Variants in RBBP8 observed in about 807,000 individuals in gnomAD.
RBBP8 encodes the protein DNA endonuclease RBBP8.
RBBP8 carries 88 observed loss-of-function variants against 108.3 expected under a neutral mutation model. The observed-to-expected ratio is 0.81, with a 90% CI of 0.68 to 0.97. The LOEUF is 0.97. Ranked by LOEUF, RBBP8 falls within the 50% of genes least tolerant of loss-of-function variation. The pLI, the probability that RBBP8 is intolerant of heterozygous loss-of-function variation, is 0.00. For missense variants in RBBP8, 1,023 were observed against 1,049.0 expected, an observed-to-expected ratio of 0.98 and a Z score of 0.34; for synonymous variants, 332 against 348.2, an observed-to-expected ratio of 0.95 and a Z score of 0.52.
intron 6 of RBBP8, among the ~76,000 whole-genome samples, chr18:22,980,152 A>G (rs895750682): frequency 1.3e-5 from 2 of 152,120 alleles, no homozygotes; most frequent in Non-Finnish European, 2.9e-5. Flanking sequence ...AGGCTGAGGC[A>G]CTAGAATCAC....
chr18:23,022,602 A>AAAAATAAAATAAAATAAAATAAAATAAAT (rs2046364801), intron 18 of RBBP8, among the ~76,000 whole-genome samples: 1 of 92,380 alleles, frequency 1.1e-5, no homozygotes, highest in African/African-American at 4.5e-5. Context: ...ACTCTGTCTC[A>AAAAATAAAATAAAATAAAATAAAATAAAT]AAAATAAAAT....
chr18:22,971,088 T>C (rs1914040626), intron 5 of RBBP8, among the ~76,000 whole-genome samples: 2 of 151,798 alleles, frequency 1.3e-5, no homozygotes, highest in Non-Finnish European at 2.9e-5. Context: ...CGTAACTGCA[T>C]TCATACAAGA....
intron 16 of RBBP8, among the ~76,000 whole-genome samples, chr18:23,012,505 T>C (rs759836249): frequency 9.9e-5 from 15 of 152,262 alleles, no homozygotes; most frequent in East Asian, 1.9e-4. Flanking sequence ...GTGGTCTAGA[T>C]TGAAGATCAA....
intron 3 of RBBP8, among the ~76,000 whole-genome samples, chr18:22,927,493 C>T (rs1282382402): frequency 2.6e-5 from 4 of 152,028 alleles, no homozygotes; most frequent in Non-Finnish European, 5.9e-5. Flanking sequence ...GCTGGGCCTG[C>T]GCTGTACGAT....
Position 23,022,121 on chromosome 18 carries a change from A to T in RBBP8, c.2455-8A>T. 2 of 1,586,696 alleles carry T rather than the reference A, an allele frequency of 1.3e-6. No homozygotes were observed. The highest frequency in any genetic ancestry group is 1.7e-6 in the Non-Finnish European group (2 of 1,155,210). ...TTAGTGAAAAAACTTACCAGTTTTT[A>T]TTATTAGTATTATGCAGATATGCCA... is the stretch of plus-strand genomic sequence containing the variant. On this transcript the variant is annotated splice_region_variant and splice_polypyrimidine_tract_variant and intron_variant, in intron 17 of 18. Transcript: ENST00000327155.
chr18:22,917,997 C>CAAA (rs5823372), intron 3 of RBBP8, among the ~76,000 whole-genome samples: 7 of 120,942 alleles, frequency 5.8e-5, no homozygotes, highest in Admixed American at 8.8e-5. Context: ...GACTCCGTCT[C>CAAA]AAAAAAAAAA....
chr18:23,018,971 AT>A (rs778282994), intron 17 of RBBP8, among the ~76,000 whole-genome samples: 2 of 152,246 alleles, frequency 1.3e-5, no homozygotes, highest in Non-Finnish European at 2.9e-5. Flanking sequence ...TTAAAATTAT[AT>A]GTGAAAGTAT....
At chr18:22,925,317 C>A (rs10502429) in intron 3 of RBBP8, among the ~76,000 whole-genome samples, 26,369 of 152,110 alleles carry the variant, frequency 0.17, 2,955 homozygotes, top group African/African-American at 0.33. Flanking sequence ...ACATTTCTAG[C>A]TAAAACTCAG....
At chr18:23,025,272 A>C (rs2046435017) in intron 18 of RBBP8, among the ~76,000 whole-genome samples, 1 of 152,164 alleles carries the variant, frequency 6.6e-6, no homozygotes, top group African/African-American at 2.4e-5. Context: ...CAATTAATTT[A>C]ATTTAATTTT....
chr18:22,946,885 G>A (rs539983200), intron 3 of RBBP8, among the ~76,000 whole-genome samples: 1 of 152,162 alleles, frequency 6.6e-6, no homozygotes, highest in South Asian at 2.1e-4. Flanking sequence ...ATAATTCTGG[G>A]ATTTCTAAAC....
intron 4 of RBBP8, among the ~76,000 whole-genome samples, chr18:22,952,171 A>AT (rs1377889719): frequency 6.6e-6 from 1 of 152,208 alleles, no homozygotes; most frequent in Non-Finnish European, 1.5e-5. Context: ...AAAAGTTTGG[A>AT]TTTTAATTGT....
chr18:23,022,695 A>C (rs2046392864), intron 18 of RBBP8, among the ~76,000 whole-genome samples: 1 of 150,630 alleles, frequency 6.6e-6, no homozygotes, highest in South Asian at 2.1e-4. Context: ...CCAAATGTGA[A>C]CATGCACCTT....
chr18:22,949,263 C>T (rs1412043339), intron 3 of RBBP8, among the ~76,000 whole-genome samples: 1 of 152,058 alleles, frequency 6.6e-6, no homozygotes, highest in African/African-American at 2.4e-5. Flanking sequence ...TTTTAAACAA[C>T]ACAGAAATTA....
chr18:22,952,130 G>A (rs143176967), intron 4 of RBBP8, among the ~76,000 whole-genome samples: 73 of 152,268 alleles, frequency 4.8e-4, no homozygotes, highest in African/African-American at 1.7e-3. Context: ...ATCTAGTGGG[G>A]CAACAACTAG....
chr18:22,939,282 G>A lies in RBBP8; in HGVS notation c.109+2322G>A, dbSNP rs181660829. Among the ~76,000 whole-genome samples, 51 of 152,242 alleles carry A rather than the reference G, an allele frequency of 3.3e-4. 1 individual carries two copies. The South Asian group carries it at 5.2e-3, about 15-fold the overall frequency. ...AGTGCTTTGGGAGGCCAAGGTGGGC[G>A]GATCACCTGAGGTCAGGAGTTCGAG... On this transcript the variant is annotated intron_variant, in intron 2 of 18. Transcript: ENST00000327155.
chr18:22,993,492 A>C lies in RBBP8; in HGVS notation c.1665A>C (p.Ser555=), dbSNP rs772234498. 1 of 1,613,958 alleles carries C rather than the reference A, an allele frequency of 6.2e-7. No individual in the cohort carries two copies. Among genetic ancestry groups the C allele is most frequent in the Admixed American group, 1.7e-5 (1 of 59,946 alleles). Residue 555 remains serine, a synonymous_variant, in exon 11 of 19, where the codon TCA becomes TCC. Coordinates refer to ENST00000327155, the MANE Select transcript of RBBP8 (RefSeq NM_002894.3). ...AAGATTCCCCAGGGGAGCCCTGTTC[A>C]CAGGAATGCATCATCCTTCAGCCCT... The part of the protein sequence containing the change: ...LPKDSPGEPC[S]QECIILQPLN...
At chr18:22,970,832 C>T (rs1914021207) in intron 5 of RBBP8, among the ~76,000 whole-genome samples, 2 of 152,076 alleles carry the variant, frequency 1.3e-5, no homozygotes, top group Non-Finnish European at 1.5e-5. Context: ...TTTGCCATTA[C>T]CTGTTGACTT....
chr18:22,989,804 C>T (rs1915557632), intron 9 of RBBP8, among the ~76,000 whole-genome samples: 1 of 152,030 alleles, frequency 6.6e-6, no homozygotes, highest in Non-Finnish European at 1.5e-5. Context: ...TCCCAAATAG[C>T]TGGGACTACA....
intron 4 of RBBP8, among the ~76,000 whole-genome samples, chr18:22,962,228 A>G (rs182705924): frequency 6.6e-5 from 10 of 151,174 alleles, no homozygotes; most frequent in African/African-American, 1.9e-4. Context: ...TACCCTTCTG[A>G]CTTTTTTTTT....
Sources: allele counts gnomAD v4.1 joint callset (sites outside exome capture counted in the v4.1 genomes callset), GRCh38; gene constraint gnomAD v4.1.1; transcripts MANE v1.5; gene names NCBI Gene and HGNC (gene_info 2026-07-23, HGNC 2026-07-21).